SNX14: variants seen among roughly 807,000 people sequenced by gnomAD.
SNX14 encodes the protein sorting nexin-14.
In SNX14, 93 loss-of-function variants were observed where a neutral mutation model predicts 133.8. That is an observed-to-expected ratio of 0.70 (90% CI 0.59 to 0.83). The LOEUF is 0.83. Among genes scored for constraint, SNX14 ranks in the 40% least tolerant of loss-of-function variants. SNX14 has a pLI of 0.00. For missense variants in SNX14, 945 were observed against 1,094.9 expected (o/e 0.86, Z 1.93); for synonymous variants, 368 against 365.6 (o/e 1.01, Z -0.07).
rs1020777600 is a variant in SNX14, at chr6:85,521,250, T to G, written c.2108-3202A>C. ...TGTGAAGTGTTTTTTCTTTTGTTTT[T>G]AGAGAAAGGGTCTCACTCTGTCACT... On this transcript the variant is annotated intron_variant, in intron 21 of 28. Transcript: ENST00000314673. 3.9e-5 allele frequency among the ~76,000 whole-genome samples: 6 copies of G among 152,338 alleles called. No homozygotes were observed. The East Asian group carries it at 5.8e-4, about 15-fold the overall frequency.
intron 7 of SNX14, among the ~76,000 whole-genome samples, chr6:85,556,673 G>T (rs889426283): frequency 6.6e-6 from 1 of 151,786 alleles, no homozygotes; most frequent in Non-Finnish European, 1.5e-5. Flanking sequence ...GGCTGGTCTC[G>T]AACTCCTGAC....
intron 1 of SNX14, among the ~76,000 whole-genome samples, chr6:85,585,244 G>A (rs1800384289): frequency 6.6e-6 from 1 of 152,106 alleles, no homozygotes; most frequent in African/African-American, 2.4e-5. Context: ...TGGGGAGTGG[G>A]GGACTGGGGG....
intron 7 of SNX14, among the ~76,000 whole-genome samples, chr6:85,554,111 T>C (rs1397905443): frequency 6.6e-6 from 1 of 152,104 alleles, no homozygotes; most frequent in African/African-American, 2.4e-5. Flanking sequence ...GCCTAATCAG[T>C]TGGCAGTTTT....
At chr6:85,592,367 A>G (rs937931632) in intron 1 of SNX14, among the ~76,000 whole-genome samples, 4 of 152,234 alleles carry the variant, frequency 2.6e-5, no homozygotes, top group Admixed American at 2.0e-4. Context: ...CCCTGTTGCT[A>G]TCCTTGGGAA....
chr6:85,579,423 C>CA (rs958906538), intron 1 of SNX14, among the ~76,000 whole-genome samples: 12 of 151,966 alleles, frequency 7.9e-5, no homozygotes, highest in African/African-American at 1.9e-4. Flanking sequence ...ACTATCTAAA[C>CA]AAAAAAAACC....
chr6:85,533,946 AAAAGT>A (rs1781037673), intron 17 of SNX14, 146 bp from the exon 18 acceptor site: 2 of 688,778 alleles, frequency 2.9e-6, no homozygotes, highest in Admixed American at 6.7e-5. Context: ...TTTCTACTGA[AAAAGT>A]AAAGGTAAAA....
At chr6:85,542,069 C>G in intron 14 of SNX14, 26 bp from the exon 15 acceptor site, 1 of 1,402,080 alleles carries the variant, frequency 7.1e-7, no homozygotes, top group Non-Finnish European at 9.8e-7. Flanking sequence ...TAATAATTAT[C>G]ATTTATTACA....
Position 85,569,408 on chromosome 6 carries a change from C to T in SNX14, c.418-1831G>A, listed in dbSNP as rs150093424. 1.7e-3 allele frequency among the ~76,000 whole-genome samples: 253 copies of T among 152,322 alleles called. 3 individuals carry two copies. The highest frequency in any genetic ancestry group is 5.9e-3 in the African/African-American group (247 of 41,566). The stretch of plus-strand genomic sequence containing the variant: ...TCATCCTCTTGCATGAAATCCTCAA[C>T]ATATCAAACCTGAATATATGAAAAT... On this transcript the variant is annotated intron_variant, in intron 4 of 28. Coordinates refer to ENST00000314673, the MANE Select transcript of SNX14 (RefSeq NM_153816.6).
intron 5 of SNX14, among the ~76,000 whole-genome samples, chr6:85,566,648 A>C (rs1186662952): frequency 6.6e-6 from 1 of 151,896 alleles, no homozygotes; most frequent in African/African-American, 2.4e-5. Flanking sequence ...CAGTGAGCTG[A>C]GGTCGCGCCA....
At chr6:85,572,270 T>G (rs770038094) in intron 3 of SNX14, 28 bp downstream of exon 3, 5 of 1,610,768 alleles carry the variant, frequency 3.1e-6, no homozygotes, top group Non-Finnish European at 4.2e-6. Context: ...ATTAGAAGGA[T>G]CAACAAATAA....
rs1285049547 is a variant in SNX14 at position 85,578,952 on chromosome 6, A to G, written c.141-4574T>C. ...GGAGTTCGAGACCAGCCTGGCCAAC[A>G]TGATGAAACCACGTCTCTACTAAAA... On this transcript the variant is annotated intron_variant, in intron 1 of 28. Transcript: ENST00000314673. Among the ~76,000 whole-genome samples the G allele has an allele frequency of 2.0e-5, 3 of 152,142 alleles. No homozygotes were observed. The East Asian group carries it at 5.8e-4, about 29-fold the overall frequency.
chr6:85,579,899 G>C (rs1798508244), intron 1 of SNX14, among the ~76,000 whole-genome samples: 1 of 152,202 alleles, frequency 6.6e-6, no homozygotes, highest in Non-Finnish European at 1.5e-5. Context: ...CAGTGGACTT[G>C]GAGGGCATGT....
At chr6:85,592,956 G>A (rs1281827095) in intron 1 of SNX14, among the ~76,000 whole-genome samples, 1 of 152,230 alleles carries the variant, frequency 6.6e-6, no homozygotes, top group African/African-American at 2.4e-5. Context: ...GGAGCTTGCG[G>A]TGAGCCGAGA....
chr6:85,557,877 TA>T, intron 7 of SNX14, 98 bp downstream of exon 7: 1 of 712,416 alleles, frequency 1.4e-6, no homozygotes, highest in Non-Finnish European at 2.5e-6. Flanking sequence ...CAACTGTGAA[TA>T]TGTAAGTTAA....
intron 8 of SNX14, 100 bp downstream of exon 8, chr6:85,549,623 G>T (rs1301060913): frequency 5.1e-6 from 5 of 971,398 alleles, no homozygotes; most frequent in Admixed American, 3.5e-5. Context: ...CTATTCATAG[G>T]CTAACCTCAA....
intron 26 of SNX14, among the ~76,000 whole-genome samples, chr6:85,509,751 T>G (rs1446923202): frequency 6.6e-6 from 1 of 152,160 alleles, no homozygotes; most frequent in Admixed American, 6.5e-5. Flanking sequence ...GACAAATAGA[T>G]GATGATATGT....
chr6:85,574,444 C>T, intron 1 of SNX14, 66 bp from the exon 2 acceptor site: 2 of 1,217,458 alleles, frequency 1.6e-6, no homozygotes, highest in Non-Finnish European at 2.3e-6. Flanking sequence ...TACCGCTTCA[C>T]TGACTTAACA....
chr6:85,560,561 T>C (rs758110411), intron 6 of SNX14, among the ~76,000 whole-genome samples: 5 of 152,186 alleles, frequency 3.3e-5, no homozygotes, highest in Non-Finnish European at 5.9e-5. Context: ...AAATTGACTA[T>C]GGGGATGGTT....
At chr6:85,530,789 C>G (rs1780040097) in intron 18 of SNX14, among the ~76,000 whole-genome samples, 1 of 152,086 alleles carries the variant, frequency 6.6e-6, no homozygotes, top group Admixed American at 6.6e-5. Context: ...TAAATTTCAT[C>G]TATTTATGAA....
Sources: gnomAD v4.1 joint callset for allele counts (sites outside exome capture counted in the v4.1 genomes callset) on GRCh38, gnomAD v4.1.1 for gene constraint, MANE v1.5 for transcripts, NCBI Gene and HGNC (gene_info 2026-07-23, HGNC 2026-07-21) for gene names.